Variants in TYW3 observed in about 807,000 individuals in gnomAD.
TYW3 encodes the protein tRNA wybutosine-synthesizing protein 3 homolog.
Under a neutral mutation model 23.1 loss-of-function variants are expected in TYW3, and 26 were observed. The ratio of observed to expected loss-of-function variants is 1.13; its 90% CI spans 0.83 to 1.56. TYW3 has a LOEUF of 1.56. Among genes scored for constraint, TYW3 ranks in the 40% most tolerant of loss-of-function variants. TYW3 has a pLI of 0.00. For missense variants in TYW3, 316 were observed against 311.9 expected, an observed-to-expected ratio of 1.01 and a Z score of -0.10; for synonymous variants, 102 against 105.7, an observed-to-expected ratio of 0.97 and a Z score of 0.21.
rs1649284757 is a variant in TYW3 at position 74,765,719 on chromosome 1, T to C, written c.*1606T>C. 1 of 152,116 alleles carries C rather than the reference T, an allele frequency of 6.6e-6. No individual in the cohort carries two copies. Among genetic ancestry groups the C allele is most frequent in the African/African-American group, 2.4e-5 (1 of 41,438 alleles). The allele number at this position is 152,116 out of a possible 1,614,324, so 9.4% of individuals were successfully genotyped here. On this transcript the variant is annotated 3_prime_UTR_variant, in exon 6 of 6. Coordinates refer to ENST00000370867, the MANE Select transcript of TYW3 (RefSeq NM_138467.3). ...ATCCTGTGGTGAAATGACAACACAT[T>C]CTGCAGTTTTAAAATCTAAGAGGCT...
At chr1:74,748,633 A>AT in intron 3 of TYW3, 118 bp from the exon 4 acceptor site, 2 of 1,017,526 alleles carry the variant, frequency 2.0e-6, no homozygotes, top group East Asian at 2.6e-5. Flanking sequence ...TAGACGAAAA[A>AT]TTTTTTTAAA....
intron 3 of TYW3, among the ~76,000 whole-genome samples, chr1:74,747,001 A>G (rs1014309170): frequency 1.3e-5 from 2 of 152,242 alleles, no homozygotes; most frequent in African/African-American, 4.8e-5. Flanking sequence ...AAGGGAAGCC[A>G]CTCAAGGTTA....
chr1:74,735,750 G>T (rs1287293835), intron 1 of TYW3, among the ~76,000 whole-genome samples: 2 of 152,174 alleles, frequency 1.3e-5, no homozygotes, highest in Non-Finnish European at 2.9e-5. Context: ...GTCATACAAT[G>T]AAGTCAAAAT....
intron 5 of TYW3, among the ~76,000 whole-genome samples, chr1:74,753,123 C>G (rs1648845516): frequency 6.6e-6 from 1 of 152,184 alleles, no homozygotes; most frequent in South Asian, 2.1e-4. Flanking sequence ...CACTGACCTA[C>G]CATCAGCTAG....
intron 5 of TYW3, among the ~76,000 whole-genome samples, chr1:74,760,434 T>G (rs1316151238): frequency 6.6e-6 from 1 of 152,250 alleles, no homozygotes; most frequent in Non-Finnish European, 1.5e-5. Context: ...TAGTAGTGTT[T>G]CCTGGGACAT....
chr1:74,734,908 G>A (rs1343496437), intron 1 of TYW3, among the ~76,000 whole-genome samples: 1 of 152,200 alleles, frequency 6.6e-6, no homozygotes, highest in Non-Finnish European at 1.5e-5. Context: ...ATGGAAGACA[G>A]CACATTGTTA....
At chr1:74,749,128 T>A (rs1474058584) in intron 4 of TYW3, among the ~76,000 whole-genome samples, 1 of 152,002 alleles carries the variant, frequency 6.6e-6, no homozygotes, top group East Asian at 1.9e-4. Context: ...ACAGAGAGAG[T>A]TCAAAGTCCC....
intron 4 of TYW3, among the ~76,000 whole-genome samples, chr1:74,749,910 C>T (rs1648717644): frequency 6.6e-6 from 1 of 152,096 alleles, no homozygotes; most frequent in Admixed American, 6.5e-5. Context: ...TAGCAGAGAT[C>T]ACGCCACTGC....
intron 2 of TYW3, among the ~76,000 whole-genome samples, chr1:74,737,437 C>T (rs1648189746): frequency 6.6e-6 from 1 of 152,078 alleles, no homozygotes; most frequent in South Asian, 2.1e-4. Flanking sequence ...AGGTGCTCTC[C>T]CTCTTAGGTT....
At position 74,765,412 on chromosome 1, in the gene TYW3, C is replaced by G. The variant is rs759425273; in HGVS notation, c.*1299C>G. ...GCTATGTAAGTTGAACTCTGTACCACTTGGGAGGGAACATTCCCCTAGATG... is the reference window on the plus strand; with the variant it reads ...GCTATGTAAGTTGAACTCTGTACCAGTTGGGAGGGAACATTCCCCTAGATG... On this transcript the variant is annotated 3_prime_UTR_variant, in exon 6 of 6. Transcript: ENST00000370867. 1 of 152,150 alleles carries G rather than the reference C, an allele frequency of 6.6e-6. No individual in the cohort carries two copies. Among genetic ancestry groups the G allele is most frequent in the South Asian group, 2.1e-4 (1 of 4,828 alleles). The allele number at this position is 152,150 out of a possible 1,614,324, so 9.4% of individuals were successfully genotyped here.
chr1:74,740,797 A>T (rs1225223685), intron 3 of TYW3, among the ~76,000 whole-genome samples: 1 of 152,258 alleles, frequency 6.6e-6, no homozygotes, highest in East Asian at 1.9e-4. Context: ...AGCTACACAC[A>T]GAGCGCTAAT....
intron 5 of TYW3, among the ~76,000 whole-genome samples, chr1:74,753,875 T>G (rs1648868199): frequency 6.6e-6 from 1 of 152,214 alleles, no homozygotes; most frequent in East Asian, 1.9e-4. Flanking sequence ...TAACATGTAC[T>G]ATTTTAGATA....
intron 4 of TYW3, among the ~76,000 whole-genome samples, chr1:74,750,656 C>T (rs28374065): frequency 0.2 from 31,055 of 152,000 alleles, 4,438 homozygotes; most frequent in East Asian, 0.71. Flanking sequence ...TGTTTATGTT[C>T]GTCTTCCAAT....
intron 5 of TYW3, among the ~76,000 whole-genome samples, chr1:74,762,309 T>C (rs1336169093): frequency 6.6e-6 from 1 of 152,104 alleles, no homozygotes; most frequent in Admixed American, 6.6e-5. Flanking sequence ...CAAACAAAGA[T>C]GAAAATTGGT....
intron 5 of TYW3, among the ~76,000 whole-genome samples, chr1:74,754,409 A>T (rs531213508): frequency 6.6e-6 from 1 of 152,234 alleles, no homozygotes; most frequent in Non-Finnish European, 1.5e-5. Context: ...GTCTTAAGAT[A>T]CTGATTAGAA....
chr1:74,733,332 G>A lies in TYW3; in HGVS notation c.88G>A (p.Val30Met). 1.2e-6 allele frequency: 2 copies of A among 1,614,226 alleles called. No individual in the cohort carries two copies. The highest frequency in any genetic ancestry group is 3.3e-5 in the Admixed American group (2 of 60,028). ...CCGGAAGGGCAGTGTTGACGAGGAT[G>A]TGGTAGAGCTTGTGCAGTTTCTGAA... ...LSRKGSVDEDVVELVQFLNMR... is the reference protein window; with the variant it reads ...LSRKGSVDEDMVELVQFLNMR... Residue 30 changes from valine (V) to methionine (M), a missense_variant, in exon 1 of 6, where the codon GTG (valine) becomes ATG (methionine). By Grantham distance (21) the Val-to-Met change is conservative. Transcript: ENST00000370867.
At chr1:74,754,614 T>G (rs1360025454) in intron 5 of TYW3, among the ~76,000 whole-genome samples, 1 of 152,000 alleles carries the variant, frequency 6.6e-6, no homozygotes, top group Admixed American at 6.6e-5. Flanking sequence ...AGTTTCACAA[T>G]TCAGAGAATT....
intron 5 of TYW3, among the ~76,000 whole-genome samples, chr1:74,754,069 C>T (rs1275558743): frequency 6.6e-6 from 1 of 152,168 alleles, no homozygotes; most frequent in Non-Finnish European, 1.5e-5. Flanking sequence ...AGACTACAGA[C>T]TACTATATGT....
chr1:74,744,782 G>A (rs968021049), intron 3 of TYW3, among the ~76,000 whole-genome samples: 1 of 152,156 alleles, frequency 6.6e-6, no homozygotes, highest in African/African-American at 2.4e-5. Context: ...GTTTGTTCCT[G>A]CAGATGTTCA....
Sources: gnomAD v4.1 joint callset for allele counts (sites outside exome capture counted in the v4.1 genomes callset) on GRCh38, gnomAD v4.1.1 for gene constraint, MANE v1.5 for transcripts, NCBI Gene and HGNC (gene_info 2026-07-23, HGNC 2026-07-21) for gene names.